The following TSHZ2 variants were observed in gnomAD, a reference collection of about 807,000 sequenced individuals.
TSHZ2 encodes the protein teashirt zinc finger homeobox 2, also known as teashirt homolog 2.
A neutral mutation model predicts 74.4 loss-of-function variants in TSHZ2; 21 were observed. The ratio of observed to expected loss-of-function variants is 0.28; its 90% CI spans 0.20 to 0.41. TSHZ2 has a LOEUF of 0.41. TSHZ2 is among the 10% of genes least tolerant of loss of function. The pLI is 1.00. For missense variants in TSHZ2, 1,244 were observed against 1,293.5 expected (o/e 0.96, Z 0.59); for synonymous variants, 540 against 515.3 (o/e 1.05, Z -0.65).
chr20:53,001,621 C>T (rs1009080054), intron 1 of TSHZ2, among the ~76,000 whole-genome samples: 2 of 152,174 alleles, frequency 1.3e-5, no homozygotes, highest in Non-Finnish European at 2.9e-5. Flanking sequence ...TATCATCTGA[C>T]AGGGGAGCTA....
intron 2 of TSHZ2, among the ~76,000 whole-genome samples, chr20:53,353,575 C>T (rs992301269): frequency 2.0e-5 from 3 of 152,012 alleles, no homozygotes; most frequent in African/African-American, 7.3e-5. Flanking sequence ...TTTCATTGGC[C>T]TAGGGTTGTA....
chr20:53,283,160 T>A (rs972319418), intron 2 of TSHZ2, among the ~76,000 whole-genome samples: 1 of 152,146 alleles, frequency 6.6e-6, no homozygotes, highest in Non-Finnish European at 1.5e-5. Context: ...CCCCATGTTG[T>A]AGAAGAAAAA....
chr20:53,466,029 C>CA (rs1256894710), intron 2 of TSHZ2, among the ~76,000 whole-genome samples: 4 of 150,042 alleles, frequency 2.7e-5, no homozygotes, highest in African/African-American at 9.8e-5. Flanking sequence ...AGGTGAATCA[C>CA]AAGGGTCAGG....
chr20:53,390,547 C>T (rs561237019), intron 2 of TSHZ2, among the ~76,000 whole-genome samples: 1 of 152,326 alleles, frequency 6.6e-6, no homozygotes, highest in East Asian at 1.9e-4. Flanking sequence ...GTGCCTTCTT[C>T]CCTGGCACAA....
chr20:53,185,358 A>C, intron 1 of TSHZ2: 1 of 1,164,844 alleles, frequency 8.6e-7, no homozygotes, highest in Non-Finnish European at 1.1e-6. Flanking sequence ...TGTTTGCTCC[A>C]AAATTGGTGA....
At chr20:53,304,937 A>C (rs28709911) in intron 2 of TSHZ2, among the ~76,000 whole-genome samples, 120 of 136,924 alleles carry the variant, frequency 8.8e-4, no homozygotes, top group Non-Finnish European at 1.5e-3. Flanking sequence ...GCCTTAATGA[A>C]CTTTTTTTTT....
At position 53,243,487 on chromosome 20, in the gene TSHZ2, G is replaced by A. The variant is rs537840822; in HGVS notation, c.41-10012G>A. On this transcript the variant is annotated intron_variant, in intron 1 of 2. Transcript: ENST00000371497. Reference sequence around the variant, plus strand: ...TCAAATTGTACCATGATGGAAACACGGCTCAACTCCTAAGTGTGAGGAATG... The same window carrying A: ...TCAAATTGTACCATGATGGAAACACAGCTCAACTCCTAAGTGTGAGGAATG... Among the ~76,000 whole-genome samples the A allele has an allele frequency of 1.4e-3, 206 of 152,212 alleles. 1 individual carries two copies. Among genetic ancestry groups the A allele is most frequent in the Non-Finnish European group, 2.6e-3 (176 of 67,998 alleles).
intron 1 of TSHZ2, among the ~76,000 whole-genome samples, chr20:53,247,506 G>T (rs1301793211): frequency 1.3e-5 from 2 of 152,164 alleles, no homozygotes; most frequent in Non-Finnish European, 2.9e-5. Context: ...TCTTTACTCA[G>T]CCTGCCAACA....
intron 2 of TSHZ2, among the ~76,000 whole-genome samples, chr20:53,476,358 G>C (rs6097436): frequency 0.18 from 26,743 of 145,100 alleles, 2,503 homozygotes; most frequent in East Asian, 0.27. Context: ...GTTCAATATA[G>C]GCAAATCAAT....
intron 1 of TSHZ2, among the ~76,000 whole-genome samples, chr20:53,014,439 C>T (rs1366439445): frequency 6.6e-6 from 1 of 152,130 alleles, no homozygotes; most frequent in African/African-American, 2.4e-5. Context: ...GTGAAGAATG[C>T]AGAAAAATTT....
chr20:53,331,857 T>G (rs530692545), intron 2 of TSHZ2, among the ~76,000 whole-genome samples: 2 of 151,990 alleles, frequency 1.3e-5, no homozygotes, highest in East Asian at 3.9e-4. Flanking sequence ...CTGGGCTTGA[T>G]GGGCCAAGGG....
intron 2 of TSHZ2, among the ~76,000 whole-genome samples, chr20:53,312,620 G>A (rs150556783): frequency 2.0e-5 from 3 of 152,266 alleles, no homozygotes; most frequent in East Asian, 1.9e-4. Context: ...TCCAAGCACC[G>A]CGTGGGTGAG....
intron 2 of TSHZ2, among the ~76,000 whole-genome samples, chr20:53,326,019 G>A (rs1293326223): frequency 6.6e-6 from 1 of 152,102 alleles, no homozygotes; most frequent in East Asian, 1.9e-4. Context: ...CTGACCTCGT[G>A]ATTCCCCCCT....
At chr20:53,182,148 C>T (rs1219885094) in intron 1 of TSHZ2, among the ~76,000 whole-genome samples, 1 of 148,172 alleles carries the variant, frequency 6.7e-6, no homozygotes, top group East Asian at 2.0e-4. Flanking sequence ...TCTCTCCCTC[C>T]CTCCCTCTCT....
intron 1 of TSHZ2, chr20:53,097,948 T>C (rs942714004): frequency 3.3e-5 from 5 of 152,248 alleles, no homozygotes; most frequent in African/African-American, 1.2e-4. Flanking sequence ...GCGTTTTAGA[T>C]ACACAAGAAT....
chr20:53,418,172 G>A (rs956899116), intron 2 of TSHZ2, among the ~76,000 whole-genome samples: 1 of 152,118 alleles, frequency 6.6e-6, no homozygotes, highest in Non-Finnish European at 1.5e-5. Flanking sequence ...GAGAGTAAAG[G>A]GGAGAAATAT....
At chr20:53,042,727 T>G (rs1365676143) in intron 1 of TSHZ2, among the ~76,000 whole-genome samples, 3 of 151,554 alleles carry the variant, frequency 2.0e-5, no homozygotes, top group Non-Finnish European at 4.4e-5. Flanking sequence ...ACACTGGAAT[T>G]CCAAGCTTCC....
In TSHZ2 at chr20:53,492,125, T is replaced by C. The variant is rs1342475994; in HGVS notation, c.*4990T>C. 6.7e-6 allele frequency: 1 copy of C among 150,072 alleles called. No individual in the cohort carries two copies. The highest frequency in any genetic ancestry group is 1.5e-5 in the Non-Finnish European group (1 of 67,714). The allele number at this position is 150,072 out of a possible 1,614,324, so 9.3% of individuals were successfully genotyped here. On this transcript the variant is annotated 3_prime_UTR_variant, in exon 3 of 3. Coordinates refer to ENST00000371497, the MANE Select transcript of TSHZ2 (RefSeq NM_173485.6). ...AACTCTCTCAGAAAATAAATTTCAA[T>C]GTGTTCAATGAATTGTCTTGAACCT...
chr20:53,180,027 G>A (rs767849204), intron 1 of TSHZ2, among the ~76,000 whole-genome samples: 30 of 152,268 alleles, frequency 2.0e-4, no homozygotes, highest in Non-Finnish European at 4.1e-4. Flanking sequence ...CATATTATAG[G>A]CACATAAACT....
Sources: gnomAD v4.1 joint callset for allele counts (sites outside exome capture counted in the v4.1 genomes callset) on GRCh38, gnomAD v4.1.1 for gene constraint, MANE v1.5 for transcripts, NCBI Gene and HGNC (gene_info 2026-07-23, HGNC 2026-07-21) for gene names.